The following ABCB1 variants were observed in gnomAD, a reference collection of about 807,000 sequenced individuals.
The protein encoded by ABCB1 is ATP binding cassette subfamily B member 1.
A neutral mutation model predicts 142.0 loss-of-function variants in ABCB1; 69 were observed. The observed-to-expected ratio is 0.49, with a 90% CI of 0.40 to 0.59. ABCB1 has a LOEUF of 0.59. Ranked by LOEUF, ABCB1 falls within the 20% of genes least tolerant of loss-of-function variation. The pLI, the probability that ABCB1 is intolerant of heterozygous loss-of-function variation, is 0.00. For synonymous variants in ABCB1, 532 were observed against 539.2 expected, an observed-to-expected ratio of 0.99 and a Z score of 0.18; for missense variants, 1,326 against 1,554.7, an observed-to-expected ratio of 0.85 and a Z score of 2.47.
rs1816503761 is a variant in ABCB1, at chr7:87,540,843, T to C, written c.2319+514A>G. 2.0e-5 allele frequency among the ~76,000 whole-genome samples: 3 copies of C among 152,220 alleles called. No homozygotes were observed. The South Asian group carries it at 6.2e-4, about 32-fold the overall frequency. On this transcript the variant is annotated intron_variant, in intron 18 of 27. Transcript: ENST00000622132. ...AAAAATCTGACTCTTTACAAATGTT[T>C]CCTACATTTTTTGTTGGAGGATTGA...
chr7:87,670,849 C>T (rs1463933512), intron 1 of ABCB1, among the ~76,000 whole-genome samples: 1 of 152,168 alleles, frequency 6.6e-6, no homozygotes, highest in East Asian at 1.9e-4. Flanking sequence ...TATGTTTCCT[C>T]ACAATTGCAG....
intron 1 of ABCB1, among the ~76,000 whole-genome samples, chr7:87,659,936 C>T (rs28381749): frequency 0.016 from 2,444 of 152,142 alleles, 33 homozygotes; most frequent in Middle Eastern, 0.031. Context: ...GTTAAATCAC[C>T]TAAATATTCT....
chr7:87,690,835 T>C (rs1827946148), intron 1 of ABCB1, among the ~76,000 whole-genome samples: 1 of 152,144 alleles, frequency 6.6e-6, no homozygotes, highest in South Asian at 2.1e-4. Context: ...TGGTAATCCA[T>C]TTACAGACCA....
rs184153186 is a variant in ABCB1, at chr7:87,534,007, C to A, written c.2481+2451G>T. 3.3e-4 allele frequency among the ~76,000 whole-genome samples: 50 copies of A among 152,234 alleles called. No individual in the cohort carries two copies. The East Asian group carries it at 9.5e-3, about 29-fold the overall frequency. On this transcript the variant is annotated intron_variant, in intron 20 of 27. Coordinates refer to ENST00000622132, the MANE Select transcript of ABCB1 (RefSeq NM_001348946.2). ...CAAGTGAAAAGCAGAAGGTTGACCCCAGCAGGCAATTAGAGACAGTGAATA... is the reference window on the plus strand; with the variant it reads ...CAAGTGAAAAGCAGAAGGTTGACCCAAGCAGGCAATTAGAGACAGTGAATA...
intron 25 of ABCB1, among the ~76,000 whole-genome samples, chr7:87,511,264 G>C (rs1814995142): frequency 6.6e-6 from 1 of 152,078 alleles, no homozygotes; most frequent in Non-Finnish European, 1.5e-5. Context: ...GAATGGTGTT[G>C]GTCTGAGGAA....
At chr7:87,516,370 A>T (rs1815248919) in intron 24 of ABCB1, 139 bp downstream of exon 24, 1 of 1,053,408 alleles carries the variant, frequency 9.5e-7, no homozygotes, top group Non-Finnish European at 1.4e-6. Flanking sequence ...TATTAGCAGT[A>T]ATTGAAAGGA....
rs904624097 is a variant in ABCB1 at position 87,505,884 on chromosome 7, T to C, written c.3636+13A>G. On this transcript the variant is annotated intron_variant, in intron 27 of 27. Transcript: ENST00000622132. ...CTGATTCAAGTATGGATGAACCCAA[T>C]TTAAATTCTTACCTTTTCACTTTCT... 9.9e-6 allele frequency: 16 copies of C among 1,614,092 alleles called. No individual in the cohort carries two copies. Among genetic ancestry groups the C allele is most frequent in the Non-Finnish European group, 1.4e-5 (16 of 1,179,944 alleles).
chr7:87,647,487 C>A, intron 1 of ABCB1, among the ~76,000 whole-genome samples: 1 of 152,084 alleles, frequency 6.6e-6, no homozygotes. Context: ...GTAAACATTG[C>A]TACATTTTTC....
intron 1 of ABCB1, among the ~76,000 whole-genome samples, chr7:87,702,931 T>A (rs1356066084): frequency 6.6e-6 from 1 of 152,202 alleles, no homozygotes; most frequent in Non-Finnish European, 1.5e-5. Context: ...TATACCTAAC[T>A]AACTCAACTA....
Position 87,513,406 on chromosome 7 carries a change from GA to G in ABCB1, c.3282+1824del, listed in dbSNP as rs761763279. Among the ~76,000 whole-genome samples the G allele has an allele frequency of 3.1e-3, 470 of 152,156 alleles. 2 individuals carry two copies. Among genetic ancestry groups the G allele is most frequent in the Non-Finnish European group, 4.5e-3 (306 of 68,000 alleles). On this transcript the variant is annotated intron_variant, in intron 25 of 27. Coordinates refer to ENST00000622132, the MANE Select transcript of ABCB1 (RefSeq NM_001348946.2). ...TTCTGCTTGTGTTTATATACTTGCA[GA>G]ATAATCATTAATTATTCCTTATTGT... is the stretch of plus-strand genomic sequence containing the variant.
chr7:87,530,865 G>GAAAGAAAGAAAGA (rs1816020508), intron 21 of ABCB1, among the ~76,000 whole-genome samples: 3 of 104,874 alleles, frequency 2.9e-5, no homozygotes, highest in Admixed American at 1.0e-4. Context: ...AAGAAAGAAA[G>GAAAGAAAGAAAGA]AAAGAAAGAA....
intron 25 of ABCB1, 23 bp from the exon 26 acceptor site, chr7:87,509,504 C>A: frequency 1.9e-6 from 3 of 1,610,690 alleles, no homozygotes; most frequent in South Asian, 2.2e-5. Flanking sequence ...GTTCACAGAT[C>A]AACTTCAGGA....
chr7:87,545,041 T>C (rs374511556), intron 15 of ABCB1, 42 bp from the exon 16 acceptor site: 11 of 1,573,400 alleles, frequency 7.0e-6, no homozygotes, highest in Non-Finnish European at 9.6e-6. Context: ...TTAGGCTGTG[T>C]GTTAACCAAT....
At chr7:87,621,695 G>A (rs1820228858) in intron 1 of ABCB1, among the ~76,000 whole-genome samples, 1 of 151,976 alleles carries the variant, frequency 6.6e-6, no homozygotes, top group African/African-American at 2.4e-5. Flanking sequence ...TAACAGATTG[G>A]TGAGAAAATA....
chr7:87,503,964 A>G lies in ABCB1; in HGVS notation c.*279T>C. On this transcript the variant is annotated 3_prime_UTR_variant, in exon 28 of 28. Coordinates refer to ENST00000622132, the MANE Select transcript of ABCB1 (RefSeq NM_001348946.2). ...AGCAAGGCAGTCAGTTACAGTCCAAATGGGAAAATATAAACAAAATTACAC... is the reference window on the plus strand; with the variant it reads ...AGCAAGGCAGTCAGTTACAGTCCAAGTGGGAAAATATAAACAAAATTACAC... 1 of 472,972 alleles carries G rather than the reference A, an allele frequency of 2.1e-6. No homozygotes were observed. The highest frequency in any genetic ancestry group is 3.8e-6 in the Non-Finnish European group (1 of 262,346). 29.3% of individuals were successfully genotyped at this position (472,972 alleles called of 1,614,324 possible).
intron 1 of ABCB1, among the ~76,000 whole-genome samples, chr7:87,608,616 G>T (rs987944948): frequency 5.3e-5 from 8 of 152,020 alleles, no homozygotes; most frequent in African/African-American, 1.7e-4. Flanking sequence ...AATATTACCC[G>T]AAATGGCTTT....
intron 1 of ABCB1, among the ~76,000 whole-genome samples, chr7:87,627,063 C>T (rs1401910561): frequency 6.6e-6 from 1 of 152,086 alleles, no homozygotes; most frequent in East Asian, 1.9e-4. Flanking sequence ...CGTCAGCCAC[C>T]GCGCCCAGCC....
intron 1 of ABCB1, among the ~76,000 whole-genome samples, chr7:87,670,954 C>A (rs1023234264): frequency 6.6e-6 from 1 of 152,050 alleles, no homozygotes; most frequent in Non-Finnish European, 1.5e-5. Flanking sequence ...CTGCCCACTG[C>A]AGCTTTGGGG....
intron 1 of ABCB1, among the ~76,000 whole-genome samples, chr7:87,615,321 G>C (rs1819999084): frequency 6.6e-6 from 1 of 152,208 alleles, no homozygotes; most frequent in Non-Finnish European, 1.5e-5. Flanking sequence ...TTAGTCCACT[G>C]AGAGTTAACA....
Sources: gnomAD v4.1 joint callset for allele counts (sites outside exome capture counted in the v4.1 genomes callset) on GRCh38, gnomAD v4.1.1 for gene constraint, MANE v1.5 for transcripts, NCBI Gene and HGNC (gene_info 2026-07-23, HGNC 2026-07-21) for gene names.